CHAF1A: variants seen among roughly 807,000 people sequenced by gnomAD.
The protein encoded by CHAF1A is chromatin assembly factor 1 subunit A, also known as CAF-1 subunit A.
Under a neutral mutation model 93.2 loss-of-function variants are expected in CHAF1A, and 5 were observed. The observed-to-expected ratio is 0.05, with a 90% CI of 0.03 to 0.11. The LOEUF (loss-of-function observed/expected upper bound fraction) is 0.11. Among genes scored for constraint, CHAF1A ranks in the 10% least tolerant of loss-of-function variants. The pLI, the probability that CHAF1A is intolerant of heterozygous loss-of-function variation, is 1.00. For missense variants in CHAF1A, 1,102 were observed against 1,259.9 expected, an observed-to-expected ratio of 0.87 and a Z score of 1.90; for synonymous variants, 504 against 510.3, an observed-to-expected ratio of 0.99 and a Z score of 0.17.
In CHAF1A at chr19:4,422,237, C is replaced by T. The variant is rs569666736; in HGVS notation, c.1018-329C>T. Among the ~76,000 whole-genome samples the T allele has an allele frequency of 6.6e-6, 1 of 152,288 alleles. No individual in the cohort carries two copies. The highest frequency in any genetic ancestry group is 6.5e-5 in the Admixed American group (1 of 15,298). On this transcript the variant is annotated intron_variant, in intron 4 of 14. Coordinates refer to ENST00000301280, the MANE Select transcript of CHAF1A (RefSeq NM_005483.3). The surrounding 1 kb of genome is among the most constrained non-coding windows in gnomAD (Gnocchi z 4.6). ...CCATCTTGGCCAGGCTGGTCTCGAA[C>T]TCCTGACCTCAGGTGATCCACTTGC...
In CHAF1A at chr19:4,443,128, G is replaced by A. The variant is rs988370421; in HGVS notation, c.*103G>A. On this transcript the variant is annotated 3_prime_UTR_variant, in exon 15 of 15. Coordinates refer to ENST00000301280, the MANE Select transcript of CHAF1A (RefSeq NM_005483.3). Reference sequence around the variant, plus strand: ...TAAAGAGCACTTTGTCCTGCTTCACGGACCTCCCCAAAGTGTGCAGAGTTC... The same window carrying A: ...TAAAGAGCACTTTGTCCTGCTTCACAGACCTCCCCAAAGTGTGCAGAGTTC... 1.0e-5 allele frequency: 8 copies of A among 784,182 alleles called. No individual in the cohort carries two copies. In the East Asian group the frequency reaches 1.1e-4, roughly 10 times the overall value. 48.6% of individuals were successfully genotyped at this position (784,182 alleles called of 1,614,324 possible).
downstream of CHAF1A, chr19:4,447,720 C>T (rs1013966308): frequency 1.9e-5 from 25 of 1,300,364 alleles, no homozygotes; most frequent in Middle Eastern, 1.1e-3. Flanking sequence ...CTCAGCCACA[C>T]TTGGCCTCTA....
intron 3 of CHAF1A, among the ~76,000 whole-genome samples, chr19:4,415,537 G>A (rs1262976695): frequency 6.6e-6 from 1 of 152,238 alleles, no homozygotes; most frequent in Non-Finnish European, 1.5e-5. Flanking sequence ...ATATTCTGCA[G>A]TTAAATCCCT....
chr19:4,437,409 G>A (rs1974305069), intron 13 of CHAF1A, among the ~76,000 whole-genome samples: 1 of 152,120 alleles, frequency 6.6e-6, no homozygotes, highest in Non-Finnish European at 1.5e-5. Flanking sequence ...GAGTGCAATG[G>A]TGCAGTCACA....
chr19:4,441,388 T>A (rs1038477359), intron 13 of CHAF1A, among the ~76,000 whole-genome samples: 4 of 151,526 alleles, frequency 2.6e-5, no homozygotes, highest in African/African-American at 9.7e-5. Flanking sequence ...GGTGGGTAGA[T>A]CATAAGGTCA....
At chr19:4,403,054 G>A (rs574553347) in intron 1 of CHAF1A, among the ~76,000 whole-genome samples, 3 of 152,334 alleles carry the variant, frequency 2.0e-5, no homozygotes, top group African/African-American at 7.2e-5. Context: ...GCGTCAGTTC[G>A]TCCCTCCAGG....
At position 4,422,008 on chromosome 19, in the gene CHAF1A, ATT is replaced by A. The variant is rs765787830; in HGVS notation, c.1018-542_1018-541del. On this transcript the variant is annotated intron_variant, in intron 4 of 14. Coordinates refer to ENST00000301280, the MANE Select transcript of CHAF1A (RefSeq NM_005483.3). This position sits in a 1 kb window ranked among gnomAD's most constrained non-coding sequence, Gnocchi z 4.6. ...GGGTACCCTCCACCACGCCTGGCTA[ATT>A]TTTTTTTTTTTTTTTATTAAATGGA... is the stretch of plus-strand genomic sequence containing the variant. 1.2e-4 allele frequency among the ~76,000 whole-genome samples: 16 copies of A among 138,202 alleles called. No homozygotes were observed. Among genetic ancestry groups the A allele is most frequent in the Admixed American group, 1.5e-4 (2 of 13,722 alleles). 90.7% of individuals were successfully genotyped at this position (138,202 alleles called of 152,430 possible).
downstream of CHAF1A, chr19:4,448,730 G>A (rs148210917): frequency 0.032 from 12,084 of 374,684 alleles, 272 homozygotes; most frequent in Non-Finnish European, 0.044. Context: ...TTTAGAACTC[G>A]ACCTCAGTGC....
At chr19:4,406,776 T>G (rs1037235097) in intron 2 of CHAF1A, among the ~76,000 whole-genome samples, 1 of 152,124 alleles carries the variant, frequency 6.6e-6, no homozygotes, top group Non-Finnish European at 1.5e-5. Context: ...TTTTCAAACT[T>G]GGGCTGGGTG....
rs1974140659 is a variant in CHAF1A at position 4,429,419 on chromosome 19, C to T, written c.1605-19C>T. On this transcript the variant is annotated intron_variant, in intron 8 of 14. Coordinates refer to ENST00000301280, the MANE Select transcript of CHAF1A (RefSeq NM_005483.3). ...TCTGTAAGGCAGCGTGATCCTGAGCCTGGGGTTTTCCTTCTCAGTGATGTC... is the reference window on the plus strand; with the variant it reads ...TCTGTAAGGCAGCGTGATCCTGAGCTTGGGGTTTTCCTTCTCAGTGATGTC... The T allele has an allele frequency of 6.2e-7, 1 of 1,612,048 alleles. No homozygotes were observed. The highest frequency in any genetic ancestry group is 8.5e-7 in the Non-Finnish European group (1 of 1,179,080).
At position 4,418,039 on chromosome 19, in the gene CHAF1A, A is replaced by G. The variant is rs769724935; in HGVS notation, c.980A>G (p.Lys327Arg). ...TTTCAGATAACTAAGAAATTCGTCA[A>G]AGGCTCTACAGAGAAGAACAAGCTC... ...PLRRITKKFVKGSTEKNKLRL... is the reference protein window; with the variant it reads ...PLRRITKKFVRGSTEKNKLRL... The change falls in exon 4 of 15, where the codon AAA becomes AGA. Residue 327 changes from lysine (K) to arginine (R), a missense_variant. Lys to Arg is a conservative substitution (Grantham distance 26). Coordinates refer to ENST00000301280, the MANE Select transcript of CHAF1A (RefSeq NM_005483.3). 6 of 1,604,922 alleles carry G rather than the reference A, an allele frequency of 3.7e-6. No individual in the cohort carries two copies. The South Asian group carries it at 4.5e-5, about 12-fold the overall frequency.
Position 4,433,562 on chromosome 19 carries a change from G to A in CHAF1A, c.2673+23G>A. ...CAGGTGAGGTGGGGTGGGCAGGTGG[G>A]GGCCTCTGCAGGGCTTTTCTTTTTT... is the stretch of plus-strand genomic sequence containing the variant. On this transcript the variant is annotated intron_variant, in intron 13 of 14. Coordinates refer to ENST00000301280, the MANE Select transcript of CHAF1A (RefSeq NM_005483.3). This position sits in a 1 kb window ranked among gnomAD's most constrained non-coding sequence, Gnocchi z 5.6. The A allele has an allele frequency of 1.3e-6, 2 of 1,524,528 alleles. No individual in the cohort carries two copies. Among genetic ancestry groups the A allele is most frequent in the Non-Finnish European group, 1.8e-6 (2 of 1,125,710 alleles). The allele number at this position is 1,524,528 out of a possible 1,614,324, so 94.4% of individuals were successfully genotyped here. A position where few individuals can be genotyped will look rare whatever the true frequency, so the allele number is the denominator to read the frequency against.
At chr19:4,429,227 T>C (rs544786582) in intron 8 of CHAF1A, 10 of 624,278 alleles carry the variant, frequency 1.6e-5, no homozygotes, top group African/African-American at 7.4e-5. Context: ...CCTGGGCAGC[T>C]GTCCTCCCTC....
intron 2 of CHAF1A, 34 bp from the exon 3 acceptor site, chr19:4,408,869 G>T: frequency 1.9e-6 from 3 of 1,567,622 alleles, no homozygotes; most frequent in Non-Finnish European, 2.6e-6. Context: ...AACTTTAAAC[G>T]TTCACTAGAG....
At chr19:4,442,647 T>C (rs1314369750) in intron 14 of CHAF1A, among the ~76,000 whole-genome samples, 1 of 152,220 alleles carries the variant, frequency 6.6e-6, no homozygotes, top group Non-Finnish European at 1.5e-5. Context: ...GGTGGATTTC[T>C]GGAGCACTCG....
chr19:4,409,176 A>G lies in CHAF1A; in HGVS notation c.377A>G (p.Gln126Arg), dbSNP rs148067278. 3.1e-4 allele frequency: 500 copies of G among 1,614,250 alleles called. 1 individual carries two copies. In the African/African-American group the frequency reaches 4.1e-3, roughly 13 times the overall value. The change falls in exon 3 of 15, where the codon CAG becomes CGG. Residue 126 changes from glutamine to arginine, a missense_variant. Transcript: ENST00000301280. ...IIDLTEDSNEQPDSLVDHNKL... is the reference protein window; with the variant it reads ...IIDLTEDSNERPDSLVDHNKL... ...GATTTGACAGAGGACTCGAATGAGC[A>G]GCCAGACAGTCTTGTGGACCACAAT...
At chr19:4,446,215 CAG>C, downstream of CHAF1A, 1 of 1,590,444 alleles carries the variant, frequency 6.3e-7, no homozygotes. Flanking sequence ...GTGGGGGAGT[CAG>C]AGCGGGTGGG....
rs1271054876 is a variant in CHAF1A, at chr19:4,409,352, G to A, written c.553G>A (p.Glu185Lys). The stretch of plus-strand genomic sequence containing the variant: ...TTCAGACATTCCTTGCAAAACAGAG[G>A]AGGAGGGTGTTGGCTGTGGAGGTGC... The part of the protein sequence containing the change: ...TLSDIPCKTE[E>K]EGVGCGGAGR... The change falls in exon 3 of 15, where the codon GAG becomes AAG. Residue 185 changes from glutamate (E) to lysine (K), a missense_variant. By Grantham distance (56) the Glu-to-Lys change is moderately conservative (BLOSUM62 1). This residue lies in a region of CHAF1A where 379 missense variants were observed against 365.7 expected (regional missense o/e 1.04). Coordinates refer to ENST00000301280, the MANE Select transcript of CHAF1A (RefSeq NM_005483.3). 6.2e-7 allele frequency: 1 copy of A among 1,614,146 alleles called. No individual in the cohort carries two copies. The highest frequency in any genetic ancestry group is 1.3e-5 in the African/African-American group (1 of 75,034).
intron 3 of CHAF1A, among the ~76,000 whole-genome samples, chr19:4,416,248 T>A (rs961272929): frequency 2.6e-5 from 4 of 152,238 alleles, no homozygotes; most frequent in African/African-American, 4.8e-5. Flanking sequence ...CCTTTGGTTT[T>A]TCAGTCAACT....
Sources: allele counts gnomAD v4.1 joint callset (sites outside exome capture counted in the v4.1 genomes callset), GRCh38; gene constraint gnomAD v4.1.1; regional missense constraint gnomAD v4.1.1; non-coding constraint Gnocchi (gnomAD v3.1); transcripts MANE v1.5; gene names NCBI Gene and HGNC (gene_info 2026-07-23, HGNC 2026-07-21).